Variants in TRIP11 observed in about 807,000 individuals in gnomAD.
TRIP11 encodes the protein thyroid hormone receptor interactor 11, also known as thyroid receptor-interacting protein 11.
In TRIP11, 148 loss-of-function variants were observed where a neutral mutation model predicts 223.1. That is an observed-to-expected ratio of 0.66 (90% CI 0.58 to 0.76). The LOEUF is 0.76. Among genes scored for constraint, TRIP11 ranks in the 30% least tolerant of loss-of-function variants. TRIP11 has a pLI of 0.00. For missense variants in TRIP11, 2,043 were observed against 2,222.0 expected, an observed-to-expected ratio of 0.92 and a Z score of 1.62; for synonymous variants, 762 against 772.6, an observed-to-expected ratio of 0.99 and a Z score of 0.23.
intron 3 of TRIP11, among the ~76,000 whole-genome samples, chr14:92,024,530 C>T (rs867261612): frequency 3.9e-5 from 6 of 152,050 alleles, no homozygotes; most frequent in African/African-American, 1.2e-4. Flanking sequence ...ATATCTTTAA[C>T]GTGCTATACT....
In TRIP11 at chr14:92,011,088, A is replaced by T; in HGVS notation, c.1228-16T>A. The T allele has an allele frequency of 6.2e-7, 1 of 1,612,388 alleles. No homozygotes were observed. Among genetic ancestry groups the T allele is most frequent in the Non-Finnish European group, 8.5e-7 (1 of 1,178,500 alleles). On this transcript the variant is annotated splice_polypyrimidine_tract_variant and intron_variant, in intron 8 of 20. Transcript: ENST00000267622. ...GACTGTTATCCTACAAAAATGTTAAAGCAGTGTTTTCAGGTAACAAGAAAT... is the reference window on the plus strand; with the variant it reads ...GACTGTTATCCTACAAAAATGTTAATGCAGTGTTTTCAGGTAACAAGAAAT...
intron 2 of TRIP11, 89 bp from the exon 3 acceptor site, chr14:92,025,509 TC>T (rs771312948): frequency 1.3e-5 from 10 of 777,986 alleles, no homozygotes; most frequent in South Asian, 4.6e-5. Flanking sequence ...CGTACTGCTT[TC>T]CCCCCCCAAA....
At chr14:92,011,881 T>C in intron 7 of TRIP11, 86 bp from the exon 8 acceptor site, 1 of 1,257,974 alleles carries the variant, frequency 7.9e-7, no homozygotes, top group Non-Finnish European at 1.1e-6. Context: ...TGCAACCCAA[T>C]TAAAGTGTAT....
chr14:92,012,705 G>A (rs2056987354), intron 7 of TRIP11, among the ~76,000 whole-genome samples: 1 of 152,184 alleles, frequency 6.6e-6, no homozygotes, highest in Non-Finnish European at 1.5e-5. Context: ...TAACATTGCT[G>A]CTTTAAGGAG....
At chr14:92,002,521 TAAA>T (rs1161515886) in intron 11 of TRIP11, among the ~76,000 whole-genome samples, 1 of 151,956 alleles carries the variant, frequency 6.6e-6, no homozygotes, top group Non-Finnish European at 1.5e-5. Context: ...CTTATTATTT[TAAA>T]AAAATTTCTA....
chr14:92,007,967 T>C (rs1319868851), intron 9 of TRIP11, 115 bp from the exon 10 acceptor site: 2 of 760,636 alleles, frequency 2.6e-6, no homozygotes, highest in Non-Finnish European at 2.2e-6. Flanking sequence ...ATATTGGAAA[T>C]AATATTGAAC....
In TRIP11 at chr14:91,968,692, C is replaced by A. The variant is rs1472595632; in HGVS notation, c.*981G>T. 5 of 227,624 alleles carry A rather than the reference C, an allele frequency of 2.2e-5. No individual in the cohort carries two copies. Among genetic ancestry groups the A allele is most frequent in the African/African-American group, 8.9e-5 (4 of 44,930 alleles). The allele number at this position is 227,624 out of a possible 1,614,324, so 14.1% of individuals were successfully genotyped here. ...ATGCTCAACAATAAAAAGGAACAAACTAGTGATACATCCAAAGCCTTGGAT... is the reference window on the plus strand; with the variant it reads ...ATGCTCAACAATAAAAAGGAACAAAATAGTGATACATCCAAAGCCTTGGAT... On this transcript the variant is annotated 3_prime_UTR_variant, in exon 21 of 21. Transcript: ENST00000267622.
At chr14:92,013,068 A>G (rs1446585488) in intron 7 of TRIP11, among the ~76,000 whole-genome samples, 1 of 152,178 alleles carries the variant, frequency 6.6e-6, no homozygotes, top group Non-Finnish European at 1.5e-5. Flanking sequence ...AGAGATCGAG[A>G]TCATCCTGGC....
chr14:91,976,224 A>T (rs1414691664), intron 16 of TRIP11, 35 bp from the exon 17 acceptor site: 2 of 1,565,936 alleles, frequency 1.3e-6, no homozygotes, highest in Non-Finnish European at 1.8e-6. Context: ...ATAGCCATTA[A>T]CTGATTAAAA....
intron 16 of TRIP11, among the ~76,000 whole-genome samples, chr14:91,980,427 G>C (rs2056523060): frequency 2.0e-5 from 3 of 152,194 alleles, no homozygotes; most frequent in African/African-American, 4.8e-5. Flanking sequence ...AGAGTCAGAA[G>C]TGGATATGAA....
intron 7 of TRIP11, among the ~76,000 whole-genome samples, chr14:92,012,139 C>CA (rs1450014725): frequency 6.6e-6 from 1 of 152,128 alleles, no homozygotes; most frequent in African/African-American, 2.4e-5. Flanking sequence ...GGAAATAGTA[C>CA]ATGGTTTAAG....
At chr14:92,029,797 A>C (rs1453406547) in intron 2 of TRIP11, among the ~76,000 whole-genome samples, 1 of 152,252 alleles carries the variant, frequency 6.6e-6, no homozygotes, top group African/African-American at 2.4e-5. Context: ...CAGAGACAGA[A>C]AGCAGCATCC....
Position 92,005,701 on chromosome 14 carries a change from G to A in TRIP11, c.2275C>T (p.Leu759=). The A allele has an allele frequency of 4.3e-6, 7 of 1,613,824 alleles. No homozygotes were observed. The highest frequency in any genetic ancestry group is 5.9e-6 in the Non-Finnish European group (7 of 1,180,012). ...AGTTTAATTAAATGCTCATGTTCCAGCTGTAAGGCAGAGGTATTCAAATTA... is the reference window on the plus strand; with the variant it reads ...AGTTTAATTAAATGCTCATGTTCCAACTGTAAGGCAGAGGTATTCAAATTA... The part of the protein sequence containing the change: ...ARNLNTSALQ[L]EHEHLIKLNQ... Residue 759 remains leucine (L), a synonymous_variant, in exon 11 of 21, where the codon CTG becomes TTG. Coordinates refer to ENST00000267622, the MANE Select transcript of TRIP11 (RefSeq NM_004239.4).
intron 8 of TRIP11, among the ~76,000 whole-genome samples, chr14:92,011,431 C>T (rs1038905156): frequency 1.3e-4 from 16 of 122,404 alleles, no homozygotes; most frequent in African/African-American, 4.4e-4. Flanking sequence ...GTGGAGGTTG[C>T]GGAGAGCCGA....
At chr14:92,035,591 T>G in intron 1 of TRIP11, among the ~76,000 whole-genome samples, 1 of 150,014 alleles carries the variant, frequency 6.7e-6, no homozygotes, top group Non-Finnish European at 1.5e-5. Flanking sequence ...ATTTATTTTT[T>G]TTTTGAGACA....
chr14:91,990,688 A>G (rs2056660374), intron 15 of TRIP11, among the ~76,000 whole-genome samples: 1 of 152,182 alleles, frequency 6.6e-6, no homozygotes. Flanking sequence ...TTAAAATAAG[A>G]AAAAAATGCC....
At chr14:92,028,117 T>C (rs923153555) in intron 2 of TRIP11, among the ~76,000 whole-genome samples, 2 of 152,250 alleles carry the variant, frequency 1.3e-5, no homozygotes, top group African/African-American at 4.8e-5. Flanking sequence ...ACCCTGGTTA[T>C]AAAAGTTCAC....
At chr14:92,035,585 A>ATTTATTTAT (rs1555389786) in intron 1 of TRIP11, among the ~76,000 whole-genome samples, 2 of 137,992 alleles carry the variant, frequency 1.4e-5, no homozygotes, top group African/African-American at 5.4e-5. Flanking sequence ...TTATTTATTT[A>ATTTATTTAT]TTTTTTTTTT....
At chr14:92,024,997 G>C (rs762149911) in intron 3 of TRIP11, among the ~76,000 whole-genome samples, 5 of 151,878 alleles carry the variant, frequency 3.3e-5, no homozygotes, top group Non-Finnish European at 5.9e-5. Context: ...CAAATATTAG[G>C]CTTCATAAAA....
Sources: allele counts gnomAD v4.1 joint callset (sites outside exome capture counted in the v4.1 genomes callset), GRCh38; gene constraint gnomAD v4.1.1; transcripts MANE v1.5; gene names NCBI Gene and HGNC (gene_info 2026-07-23, HGNC 2026-07-21).